CSNK1G1: variants seen among roughly 807,000 people sequenced by gnomAD.
CSNK1G1 encodes casein kinase I isoform gamma-1.
A neutral mutation model predicts 59.6 loss-of-function variants in CSNK1G1; 22 were observed. The ratio of observed to expected loss-of-function variants is 0.37; its 90% confidence interval spans 0.26 to 0.53. CSNK1G1 has a LOEUF of 0.53. Ranked by LOEUF, CSNK1G1 falls within the 20% of genes least tolerant of loss-of-function variation. CSNK1G1 has a pLI of 0.89. For synonymous variants in CSNK1G1, 179 were observed against 177.1 expected (o/e 1.01, Z -0.08); for missense variants, 384 against 519.5 (o/e 0.74, Z 2.54).
chr15:64,191,407 T>C (rs902749925), intron 10 of CSNK1G1, among the ~76,000 whole-genome samples: 11 of 152,118 alleles, frequency 7.2e-5, no homozygotes. Flanking sequence ...TGGAAATGTA[T>C]GTTCATGTAT....
chr15:64,288,462 T>A (rs1894547822), intron 2 of CSNK1G1, among the ~76,000 whole-genome samples: 1 of 152,134 alleles, frequency 6.6e-6, no homozygotes, highest in African/African-American at 2.4e-5. Flanking sequence ...ACCACTTGCC[T>A]ATAGGATTCA....
At chr15:64,312,286 C>T (rs1050863405) in intron 1 of CSNK1G1, among the ~76,000 whole-genome samples, 15 of 152,194 alleles carry the variant, frequency 9.9e-5, no homozygotes, top group African/African-American at 3.4e-4. Context: ...AAAAAGAGCC[C>T]GCATAGCCAA....
chr15:64,296,627 G>A (rs1222202537), intron 2 of CSNK1G1, among the ~76,000 whole-genome samples: 3 of 152,138 alleles, frequency 2.0e-5, no homozygotes, highest in Non-Finnish European at 2.9e-5. Context: ...CACTTTGGGA[G>A]GCTGACGTGG....
At chr15:64,302,554 A>G (rs1313891911) in intron 1 of CSNK1G1, among the ~76,000 whole-genome samples, 1 of 152,232 alleles carries the variant, frequency 6.6e-6, no homozygotes, top group East Asian at 1.9e-4. Context: ...CTACATGAAC[A>G]ACATTAAGAA....
chr15:64,275,078 T>C (rs1893530473), intron 2 of CSNK1G1, among the ~76,000 whole-genome samples: 2 of 152,200 alleles, frequency 1.3e-5, no homozygotes, highest in Admixed American at 1.3e-4. Context: ...AGTCTTGCTA[T>C]GTTGCCCAGG....
intron 2 of CSNK1G1, among the ~76,000 whole-genome samples, chr15:64,276,761 C>A (rs1369794785): frequency 6.6e-6 from 1 of 151,918 alleles, no homozygotes; most frequent in East Asian, 1.9e-4. Context: ...CTGGCTAACA[C>A]AGTGAAACCC....
intron 2 of CSNK1G1, among the ~76,000 whole-genome samples, chr15:64,299,249 G>A (rs576560160): frequency 7.9e-5 from 12 of 152,044 alleles, no homozygotes; most frequent in African/African-American, 2.4e-4. Flanking sequence ...ATATTTATAC[G>A]GCCTTTTATT....
chr15:64,305,575 C>T (rs1197139331), intron 1 of CSNK1G1, among the ~76,000 whole-genome samples: 3 of 150,662 alleles, frequency 2.0e-5, no homozygotes, highest in Admixed American at 2.0e-4. Context: ...AAAAATTGGC[C>T]GGGCAAGGTG....
At chr15:64,345,939 C>A (rs534460670) in intron 1 of CSNK1G1, among the ~76,000 whole-genome samples, 1 of 152,050 alleles carries the variant, frequency 6.6e-6, no homozygotes, top group Non-Finnish European at 1.5e-5. Context: ...TACAGGCATG[C>A]GCCACCACAC....
At position 64,166,082 on chromosome 15, in the gene CSNK1G1, T is replaced by TAAAA; in HGVS notation, c.*5845_*5848dup. On this transcript the variant is annotated 3_prime_UTR_variant, in exon 12 of 12. Transcript: ENST00000303052. This position sits in a 1 kb window ranked among gnomAD's most constrained non-coding sequence, Gnocchi z 4.5. ...CAGGGTTTATGAAACATTATACATC[T>TAAAA]AAAAAAAAAAAAAGTAAAAAAAGAG... 7.5e-6 allele frequency: 4 copies of TAAAA among 535,594 alleles called. No homozygotes were observed. Among genetic ancestry groups the TAAAA allele is most frequent in the East Asian group, 3.3e-5 (1 of 30,242 alleles). 33.2% of individuals were successfully genotyped at this position (535,594 alleles called of 1,614,324 possible).
intron 10 of CSNK1G1, chr15:64,181,483 C>A: frequency 7.0e-7 from 1 of 1,438,014 alleles, no homozygotes; most frequent in Non-Finnish European, 9.1e-7. Flanking sequence ...ATATCATATG[C>A]CCTTGGATAA....
chr15:64,242,286 T>A (rs983811636), intron 4 of CSNK1G1, among the ~76,000 whole-genome samples: 2 of 152,206 alleles, frequency 1.3e-5, no homozygotes, highest in African/African-American at 4.8e-5. Flanking sequence ...TCATGTGGAA[T>A]TGTAATCTCC....
chr15:64,261,518 T>C (rs1209706565), intron 2 of CSNK1G1, among the ~76,000 whole-genome samples: 1 of 151,826 alleles, frequency 6.6e-6, no homozygotes, highest in African/African-American at 2.4e-5. Context: ...ACAGAATCAC[T>C]TGAACCTGGG....
chr15:64,227,604 C>A (rs1251496295), intron 4 of CSNK1G1, among the ~76,000 whole-genome samples: 2 of 152,216 alleles, frequency 1.3e-5, no homozygotes. Context: ...TCTTCTCCCT[C>A]TCAATTTATA....
At chr15:64,254,742 T>C (rs546291866) in intron 3 of CSNK1G1, among the ~76,000 whole-genome samples, 29 of 152,370 alleles carry the variant, frequency 1.9e-4, no homozygotes, top group South Asian at 4.1e-4. Flanking sequence ...TTCCTTTCCA[T>C]GGGTTGCCCT....
intron 1 of CSNK1G1, among the ~76,000 whole-genome samples, chr15:64,337,194 T>C (rs1480471911): frequency 6.6e-6 from 1 of 151,974 alleles, no homozygotes; most frequent in African/African-American, 2.4e-5. Context: ...TGCCACTGTA[T>C]GCCAGCCTGG....
At chr15:64,283,739 T>C (rs1596217639) in intron 2 of CSNK1G1, among the ~76,000 whole-genome samples, 1 of 152,164 alleles carries the variant, frequency 6.6e-6, no homozygotes, top group African/African-American at 2.4e-5. Context: ...CACCTCTGCT[T>C]CCCAAAGTGC....
intron 2 of CSNK1G1, among the ~76,000 whole-genome samples, chr15:64,285,182 G>A (rs1894343034): frequency 6.6e-6 from 1 of 151,958 alleles, no homozygotes; most frequent in Non-Finnish European, 1.5e-5. Context: ...ATGGTTAACA[G>A]TTCTAGTACT....
chr15:64,225,431 G>A (rs932071949), intron 4 of CSNK1G1, among the ~76,000 whole-genome samples: 6 of 152,138 alleles, frequency 3.9e-5, no homozygotes, highest in African/African-American at 1.4e-4. Flanking sequence ...GGGAATGTCT[G>A]GTTTTGGTCC....
Sources: gnomAD v4.1 joint callset for allele counts (sites outside exome capture counted in the v4.1 genomes callset) on GRCh38, gnomAD v4.1.1 for gene constraint, Gnocchi (gnomAD v3.1) non-coding constraint, MANE v1.5 for transcripts, NCBI Gene and HGNC (gene_info 2026-07-23, HGNC 2026-07-21) for gene names.